The following ZNF521 variants were observed in gnomAD, a reference collection of about 807,000 sequenced individuals.
The protein encoded by ZNF521 is zinc finger protein 521, also known as LYST-interacting protein 3.
In ZNF521, 14 loss-of-function variants were observed where a neutral mutation model predicts 105.5. That is an observed-to-expected ratio of 0.13 (90% confidence interval 0.09 to 0.21). The LOEUF is 0.21. Ranked by LOEUF, ZNF521 falls within the 10% of genes least tolerant of loss-of-function variation. The probability of loss-of-function intolerance (pLI) is 1.00; values close to 1 mark genes in which losing one functional copy is unlikely to be tolerated. For synonymous variants in ZNF521, 635 were observed against 606.0 expected (o/e 1.05, Z -0.70); for missense variants, 1,233 against 1,629.7 (o/e 0.76, Z 4.19).
intron 3 of ZNF521, among the ~76,000 whole-genome samples, chr18:25,280,812 T>C (rs1432533211): frequency 6.6e-6 from 1 of 152,226 alleles, no homozygotes; most frequent in Non-Finnish European, 1.5e-5. Flanking sequence ...CTTCTAGGAA[T>C]ATATTTGTTT....
At chr18:25,313,014 T>C (rs191704413) in intron 3 of ZNF521, among the ~76,000 whole-genome samples, 1 of 152,174 alleles carries the variant, frequency 6.6e-6, no homozygotes, top group African/African-American at 2.4e-5. Flanking sequence ...TAAGTGATAG[T>C]CAAGAACAGT....
At chr18:25,329,904 G>GCAGAAAGGAAATAATGGTT (rs61463465) in intron 2 of ZNF521, among the ~76,000 whole-genome samples, 31,520 of 151,674 alleles carry the variant, frequency 0.21, 3,423 homozygotes, top group Non-Finnish European at 0.22. Flanking sequence ...TAAGTCAACG[G>GCAGAAAGGAAATAATGGTT]CAGAAAGGAA....
At chr18:25,187,708 T>C (rs759092331) in intron 5 of ZNF521, among the ~76,000 whole-genome samples, 4 of 152,162 alleles carry the variant, frequency 2.6e-5, no homozygotes, top group African/African-American at 9.7e-5. Flanking sequence ...GCTCTCTCCA[T>C]TGAGGACTTC....
intron 2 of ZNF521, among the ~76,000 whole-genome samples, chr18:25,344,561 G>A (rs1448723486): frequency 6.6e-6 from 1 of 152,022 alleles, no homozygotes; most frequent in Non-Finnish European, 1.5e-5. Context: ...CCCACCCCTA[G>A]AACTAACTTT....
At chr18:25,307,384 T>C (rs988646693) in intron 3 of ZNF521, among the ~76,000 whole-genome samples, 1 of 152,190 alleles carries the variant, frequency 6.6e-6, no homozygotes, top group African/African-American at 2.4e-5. Context: ...GACTTGAATA[T>C]TCATCCTGGG....
intron 3 of ZNF521, chr18:25,302,843 T>C (rs1004481548): frequency 6.6e-6 from 1 of 152,204 alleles, no homozygotes; most frequent in African/African-American, 2.4e-5. Flanking sequence ...ATTGGGAATT[T>C]AAAAGCTCTT....
intron 3 of ZNF521, among the ~76,000 whole-genome samples, chr18:25,299,558 G>A (rs971921407): frequency 3.9e-5 from 6 of 152,128 alleles, no homozygotes; most frequent in Non-Finnish European, 8.8e-5. Flanking sequence ...ATATGTTGGG[G>A]AACAACACTG....
At chr18:25,195,072 C>A (rs2035880550) in intron 5 of ZNF521, 88 bp downstream of exon 5, 1 of 1,040,066 alleles carries the variant, frequency 9.6e-7, no homozygotes, top group Non-Finnish European at 1.4e-6. Context: ...GATGGTTGAA[C>A]AATTAATTCA....
chr18:25,195,110 C>T, intron 5 of ZNF521, 50 bp downstream of exon 5: 3 of 1,356,308 alleles, frequency 2.2e-6, no homozygotes, highest in Non-Finnish European at 3.1e-6. Flanking sequence ...TGGTGATATA[C>T]ACAAGCAGAA....
At chr18:25,274,254 C>T (rs1308916773) in intron 3 of ZNF521, among the ~76,000 whole-genome samples, 4 of 152,122 alleles carry the variant, frequency 2.6e-5, no homozygotes, top group Non-Finnish European at 5.9e-5. Flanking sequence ...AAGAATTTCC[C>T]CAACATGGTC....
intron 5 of ZNF521, among the ~76,000 whole-genome samples, chr18:25,171,741 G>A (rs2035452531): frequency 6.6e-6 from 1 of 152,036 alleles, no homozygotes; most frequent in Admixed American, 6.6e-5. Flanking sequence ...TACTGATATA[G>A]GGTTCAGAGT....
At chr18:25,141,119 T>G (rs1311166196) in intron 5 of ZNF521, among the ~76,000 whole-genome samples, 2 of 152,144 alleles carry the variant, frequency 1.3e-5, no homozygotes, top group African/African-American at 2.4e-5. Context: ...GACAAGTGCC[T>G]CCAGCAACTC....
Position 25,179,547 on chromosome 18 carries a change from T to C in ZNF521, c.3658+15613A>G, listed in dbSNP as rs537590584. On this transcript the variant is annotated intron_variant, in intron 5 of 7. Coordinates refer to ENST00000361524, the MANE Select transcript of ZNF521 (RefSeq NM_015461.3). ...CCATGCTTCTTATAGAGAACTGTCC[T>C]GGAATTTTGAGTGTACAAGTTTGTT... 2.1e-4 allele frequency among the ~76,000 whole-genome samples: 32 copies of C among 152,258 alleles called. No homozygotes were observed. In the South Asian group the frequency reaches 5.0e-3, roughly 24 times the overall value.
Position 25,227,581 on chromosome 18 carries a change from C to A in ZNF521, c.337G>T (p.Gly113Cys). The change falls in exon 4 of 8, where the codon GGC becomes TGC. Residue 113 changes from glycine to cysteine, a missense_variant. Transcript: ENST00000361524. This position sits in a 1 kb window ranked among gnomAD's most constrained non-coding sequence, Gnocchi z 5.7. ...TGACACGGGTATGGAAGCCCAGGGC[C>A]ACCTTCTTCCTCTCCAAAATCGCAA... ...EGCDFGEEEG[G>C]PGLPYPCQFC... The A allele has an allele frequency of 6.2e-7, 1 of 1,614,136 alleles. No individual in the cohort carries two copies. The highest frequency in any genetic ancestry group is 8.5e-7 in the Non-Finnish European group (1 of 1,180,018).
At chr18:25,175,759 A>G (rs2035525627) in intron 5 of ZNF521, among the ~76,000 whole-genome samples, 1 of 152,234 alleles carries the variant, frequency 6.6e-6, no homozygotes, top group Admixed American at 6.5e-5. Flanking sequence ...ATGGCCATTT[A>G]TCATACCTTG....
chr18:25,223,839 T>A (rs1221654770), intron 4 of ZNF521, among the ~76,000 whole-genome samples: 1 of 152,172 alleles, frequency 6.6e-6, no homozygotes, highest in Non-Finnish European at 1.5e-5. Flanking sequence ...TATTTTCCTC[T>A]CTACCCAGAA....
chr18:25,071,258 T>C (rs1047276417), intron 7 of ZNF521, among the ~76,000 whole-genome samples: 1 of 152,314 alleles, frequency 6.6e-6, no homozygotes, highest in East Asian at 1.9e-4. Context: ...TGGGCAAGTA[T>C]ACAGAAACTG....
intron 3 of ZNF521, among the ~76,000 whole-genome samples, chr18:25,245,526 G>A (rs1199880039): frequency 6.6e-6 from 1 of 152,140 alleles, no homozygotes; most frequent in Non-Finnish European, 1.5e-5. Context: ...GCTTACTTGA[G>A]ACAAAACAGT....
intron 3 of ZNF521, among the ~76,000 whole-genome samples, chr18:25,236,053 T>C (rs1279453635): frequency 6.6e-6 from 1 of 152,206 alleles, no homozygotes; most frequent in African/African-American, 2.4e-5. Flanking sequence ...ATTTTGAATT[T>C]TGTTAAAGCA....
Sources: allele counts gnomAD v4.1 joint callset (sites outside exome capture counted in the v4.1 genomes callset), GRCh38; gene constraint gnomAD v4.1.1; non-coding constraint Gnocchi (gnomAD v3.1); transcripts MANE v1.5; gene names NCBI Gene and HGNC (gene_info 2026-07-23, HGNC 2026-07-21).